Variants in C5orf63 observed in about 807,000 individuals in gnomAD.
C5orf63 encodes chromosome 5 open reading frame 63.
C5orf63 carries 18 observed loss-of-function variants against 13.3 expected under a neutral mutation model. That is an observed-to-expected ratio of 1.36 (90% CI 0.94 to 2.01). The LOEUF (loss-of-function observed/expected upper bound fraction) is 2.01. Ranked by LOEUF, C5orf63 falls within the 30% of genes most tolerant of loss-of-function variation. The pLI is 0.00. For synonymous variants in C5orf63, 38 were observed against 44.7 expected, an observed-to-expected ratio of 0.85 and a Z score of 0.60; for missense variants, 118 against 127.7, an observed-to-expected ratio of 0.92 and a Z score of 0.36.
downstream of C5orf63, chr5:127,051,290 G>C: frequency 8.2e-7 from 1 of 1,225,068 alleles, no homozygotes; most frequent in Non-Finnish European, 1.0e-6. Context: ...CACTGAATAG[G>C]CTTCATGCAG....
At chr5:127,067,309 AAT>A (rs1754366404) in intron 2 of C5orf63, among the ~76,000 whole-genome samples, 1 of 152,230 alleles carries the variant, frequency 6.6e-6, no homozygotes, top group African/African-American at 2.4e-5. Flanking sequence ...CACTATTAAT[AAT>A]AATGATTCTA....
chr5:127,070,637 C>T (rs1293925847), intron 2 of C5orf63, among the ~76,000 whole-genome samples: 1 of 152,248 alleles, frequency 6.6e-6, no homozygotes, highest in African/African-American at 2.4e-5. Context: ...AGTGACTCTA[C>T]AGAGGTCCTC....
chr5:127,051,964 C>T lies in C5orf63; in HGVS notation c.172-17G>A. 3.4e-6 allele frequency: 5 copies of T among 1,469,828 alleles called. No homozygotes were observed. In the South Asian group the frequency reaches 7.0e-5, roughly 20 times the overall value. 91.0% of individuals were successfully genotyped at this position (1,469,828 alleles called of 1,614,324 possible). ...TAAAATGAACTGAAACAGAGACAGA[C>T]TAAAGCTCTGTATTTTAGACCATGG... is the stretch of plus-strand genomic sequence containing the variant. On this transcript the variant is annotated splice_polypyrimidine_tract_variant and intron_variant, in intron 4 of 4. Transcript: ENST00000296662.
chr5:127,052,388 C>T (rs1753712218), intron 4 of C5orf63: 2 of 388,710 alleles, frequency 5.1e-6, no homozygotes, highest in Non-Finnish European at 9.1e-6. Context: ...TTAACTTTGA[C>T]TCAGTAAGAG....
chr5:127,070,218 G>T (rs1754485222), intron 2 of C5orf63, among the ~76,000 whole-genome samples: 1 of 152,048 alleles, frequency 6.6e-6, no homozygotes, highest in African/African-American at 2.4e-5. Flanking sequence ...TGGAGAAATG[G>T]CTGAATTTAC....
At chr5:127,053,127 C>T (rs1028079438) in intron 3 of C5orf63, among the ~76,000 whole-genome samples, 1 of 152,026 alleles carries the variant, frequency 6.6e-6, no homozygotes, top group Non-Finnish European at 1.5e-5. Context: ...AGGAAGAAAC[C>T]CATTAGGATG....
chr5:127,052,741 AC>A, intron 3 of C5orf63, 72 bp from the exon 4 acceptor site: 1 of 1,218,776 alleles, frequency 8.2e-7, no homozygotes, highest in Non-Finnish European at 1.1e-6. Flanking sequence ...ACAAAACAAA[AC>A]AAAAAACCCA....
At chr5:127,046,945 T>G (rs1466171889), downstream of C5orf63, 1 of 152,172 alleles carries the variant, frequency 6.6e-6, no homozygotes, top group Non-Finnish European at 1.5e-5. Flanking sequence ...TGTTTCAGTT[T>G]TGGGTGGTTC....
chr5:127,046,753 A>T, downstream of C5orf63: 1 of 152,250 alleles, frequency 6.6e-6, no homozygotes, highest in East Asian at 1.9e-4. Flanking sequence ...TCCTTTTAGG[A>T]TTTCAGAATA....
intron 3 of C5orf63, among the ~76,000 whole-genome samples, chr5:127,058,046 T>C (rs12655199): frequency 2.6e-5 from 4 of 151,652 alleles, no homozygotes; most frequent in Admixed American, 2.6e-4. Flanking sequence ...ATTAAAAAAA[T>C]TTTTTTTTCA....
chr5:127,070,778 G>T (rs997289991), intron 2 of C5orf63, among the ~76,000 whole-genome samples: 21 of 152,184 alleles, frequency 1.4e-4, no homozygotes, highest in Non-Finnish European at 2.8e-4. Context: ...TGGCAGGCCT[G>T]GAGAAAGTGT....
In C5orf63 at chr5:127,052,631, G is replaced by A; in HGVS notation, c.153C>T (p.Leu51=). The change falls in exon 4 of 5, where the codon CTC becomes CTT. Residue 51 remains leucine, a synonymous_variant. Transcript: ENST00000296662. ...CPLCDEAKEV[L]KPYENRFILQ... Reference sequence around the variant, plus strand: ...ATATTACCCTGTTTTCATAAGGCTTGAGTACTTCCTTGGCTTCATCACAAA... The same window carrying A: ...ATATTACCCTGTTTTCATAAGGCTTAAGTACTTCCTTGGCTTCATCACAAA... 1 of 1,507,562 alleles carries A rather than the reference G, an allele frequency of 6.6e-7. No individual in the cohort carries two copies. 93.4% of individuals were successfully genotyped at this position (1,507,562 alleles called of 1,614,324 possible).
chr5:127,063,481 C>T (rs968639964), intron 2 of C5orf63, among the ~76,000 whole-genome samples: 1 of 152,186 alleles, frequency 6.6e-6, no homozygotes, highest in African/African-American at 2.4e-5. Context: ...AGGGACACAA[C>T]ATTATTCTCA....
downstream of C5orf63, chr5:127,042,816 T>C (rs186710160): frequency 1.3e-5 from 2 of 152,216 alleles, no homozygotes; most frequent in Non-Finnish European, 2.9e-5. Flanking sequence ...GGTGAAGCGA[T>C]GTCTCCATTT....
chr5:127,053,210 G>A (rs1054891911), intron 3 of C5orf63, among the ~76,000 whole-genome samples: 12 of 152,102 alleles, frequency 7.9e-5, no homozygotes, highest in Admixed American at 3.9e-4. Context: ...TTATTGCACC[G>A]CCTGTTTTCT....
downstream of C5orf63, chr5:127,047,778 G>A (rs1580521446): frequency 1.4e-6 from 1 of 703,828 alleles, no homozygotes; most frequent in African/African-American, 1.7e-5. Context: ...CTAATCCCAT[G>A]TCATAATCAA....
At chr5:127,045,577 T>A (rs1580520231) in exon 5 of C5orf63, 1 of 152,348 alleles carries the variant, frequency 6.6e-6, no homozygotes, top group Middle Eastern at 3.4e-3. Flanking sequence ...GCAAAGTCCT[T>A]TATGCATATA....
intron 2 of C5orf63, among the ~76,000 whole-genome samples, chr5:127,065,230 T>C (rs1439398264): frequency 1.3e-5 from 2 of 152,140 alleles, no homozygotes; most frequent in East Asian, 1.9e-4. Flanking sequence ...ACAATGGGGA[T>C]GGAAAGATGG....
At position 127,045,373 on chromosome 5, in the gene C5orf63, A is replaced by G. The variant is rs2126876290; in HGVS notation, c.*2297T>C. 1.3e-5 allele frequency: 2 copies of G among 152,336 alleles called. 1 individual carries two copies. The highest frequency in any genetic ancestry group is 6.8e-3 in the Middle Eastern group (2 of 294). The allele number at this position is 152,336 out of a possible 1,614,324, so 9.4% of individuals were successfully genotyped here. On this transcript the variant is annotated 3_prime_UTR_variant, in exon 5 of 5. Transcript: ENST00000535381. ...TTTCTTTTCTTAGCTTCTGGAGGCC[A>G]TTCACATTCCTTGGCTCATGGCTGC...
Sources: allele counts gnomAD v4.1 joint callset (sites outside exome capture counted in the v4.1 genomes callset), GRCh38; gene constraint gnomAD v4.1.1; transcripts MANE v1.5; gene names NCBI Gene and HGNC (gene_info 2026-07-23, HGNC 2026-07-21).